The following CPPED1 variants were observed in gnomAD, a reference collection of about 807,000 sequenced individuals.
The protein encoded by CPPED1 is calcineurin like phosphoesterase domain containing 1, also known as serine/threonine-protein phosphatase CPPED1.
In CPPED1, 28 loss-of-function variants were observed where a neutral mutation model predicts 28.0. That is an observed-to-expected ratio of 1.00 (90% CI 0.74 to 1.37). CPPED1 has a LOEUF of 1.37. Ranked by LOEUF, CPPED1 falls within the 40% of genes most tolerant of loss-of-function variation. The pLI is 0.00. For synonymous variants in CPPED1, 198 were observed against 180.2 expected (o/e 1.10, Z -0.79); for missense variants, 504 against 416.5 (o/e 1.21, Z -1.83).
At chr16:12,713,398 C>T (rs1259648611) in intron 2 of CPPED1, among the ~76,000 whole-genome samples, 1 of 152,082 alleles carries the variant, frequency 6.6e-6, no homozygotes, top group African/African-American at 2.4e-5. Context: ...TGGAGTCTCG[C>T]TCTGTCACGC....
intron 2 of CPPED1, among the ~76,000 whole-genome samples, chr16:12,718,452 T>C (rs952896558): frequency 3.6e-4 from 53 of 147,334 alleles, no homozygotes; most frequent in Non-Finnish European, 1.2e-4. Flanking sequence ...GGCTGGAGGA[T>C]CACTTGAACC....
intron 3 of CPPED1, among the ~76,000 whole-genome samples, chr16:12,689,217 CTTTTTTTTT>C (rs869107040): frequency 4.8e-5 from 4 of 83,588 alleles, no homozygotes; most frequent in East Asian, 4.2e-4. Context: ...GAAAAGAGGG[CTTTTTTTTT>C]TTTTTTTTTT....
In CPPED1 at chr16:12,754,009, G is replaced by A. The variant is rs138768342; in HGVS notation, c.289+27176C>T. The A allele has an allele frequency of 2.8e-3, 419 of 152,310 alleles. 3 individuals carry two copies. The highest frequency in any genetic ancestry group is 9.8e-3 in the African/African-American group (409 of 41,566). 9.4% of individuals were successfully genotyped at this position (152,310 alleles called of 1,614,324 possible). On this transcript the variant is annotated intron_variant, in intron 2 of 3. Transcript: ENST00000381774. ...TCACGAGAAAGTCAGTCTCACGGGGGTCTTGGTAGCCCTCCTTTCCAGCTG... is the reference window on the plus strand; with the variant it reads ...TCACGAGAAAGTCAGTCTCACGGGGATCTTGGTAGCCCTCCTTTCCAGCTG...
chr16:12,756,251 T>C (rs1310239865), intron 2 of CPPED1, among the ~76,000 whole-genome samples: 1 of 152,144 alleles, frequency 6.6e-6, no homozygotes, highest in Non-Finnish European at 1.5e-5. Flanking sequence ...AAGCTGTGGA[T>C]GTAGTCAGTT....
chr16:12,735,568 T>C (rs150402876), intron 2 of CPPED1, among the ~76,000 whole-genome samples: 1 of 152,316 alleles, frequency 6.6e-6, no homozygotes, highest in East Asian at 1.9e-4. Flanking sequence ...CATCCCAAAG[T>C]GCTGGGATTA....
At chr16:12,742,882 C>G (rs938442703) in intron 2 of CPPED1, among the ~76,000 whole-genome samples, 1 of 152,138 alleles carries the variant, frequency 6.6e-6, no homozygotes, top group African/African-American at 2.4e-5. Context: ...GGACTGGAGG[C>G]GTGGGACGAA....
At chr16:12,770,364 G>T (rs958941184) in intron 2 of CPPED1, among the ~76,000 whole-genome samples, 4 of 152,110 alleles carry the variant, frequency 2.6e-5, no homozygotes, top group African/African-American at 7.2e-5. Flanking sequence ...CTCCCACCTG[G>T]CGTTACTGCA....
chr16:12,771,215 T>G (rs1391999196), intron 2 of CPPED1, among the ~76,000 whole-genome samples: 1 of 152,252 alleles, frequency 6.6e-6, no homozygotes, highest in Non-Finnish European at 1.5e-5. Flanking sequence ...GATTTCTGTC[T>G]GTTTCATTCA....
intron 3 of CPPED1, among the ~76,000 whole-genome samples, chr16:12,687,373 C>G (rs1260832802): frequency 6.6e-6 from 1 of 152,138 alleles, no homozygotes; most frequent in Non-Finnish European, 1.5e-5. Flanking sequence ...CCTTTAACTG[C>G]TCCCCACTGC....
At chr16:12,681,131 C>G (rs1259350674) in intron 3 of CPPED1, among the ~76,000 whole-genome samples, 1 of 147,820 alleles carries the variant, frequency 6.8e-6, no homozygotes, top group Admixed American at 6.8e-5. Context: ...CCCCCGTTTC[C>G]CCCCGTAAAG....
At position 12,682,723 on chromosome 16, in the gene CPPED1, T is replaced by C. The variant is rs549250748; in HGVS notation, c.716-17608A>G. 1.1e-4 allele frequency among the ~76,000 whole-genome samples: 17 copies of C among 152,256 alleles called. No individual in the cohort carries two copies. The highest frequency in any genetic ancestry group is 2.4e-4 in the Non-Finnish European group (16 of 68,042). On this transcript the variant is annotated intron_variant, in intron 3 of 3. Transcript: ENST00000381774. This position sits in a 1 kb window ranked among gnomAD's most constrained non-coding sequence, Gnocchi z 6.1. ...CAGGCAGCACTCAATAATTATACTT[T>C]CCTCTCATCCTTCTCTAAGTATCTG... is the stretch of plus-strand genomic sequence containing the variant.
At chr16:12,759,730 G>A (rs966161987) in intron 2 of CPPED1, among the ~76,000 whole-genome samples, 15 of 152,266 alleles carry the variant, frequency 9.9e-5, no homozygotes, top group African/African-American at 3.6e-4. Flanking sequence ...AAAAGTGTTG[G>A]GCAGTTGCCC....
intron 2 of CPPED1, among the ~76,000 whole-genome samples, chr16:12,754,245 G>C (rs2080350340): frequency 6.6e-6 from 1 of 152,132 alleles, no homozygotes; most frequent in South Asian, 2.1e-4. Flanking sequence ...TTTAAAACCA[G>C]CTCCACCTCT....
At chr16:12,713,737 G>C (rs1215714742) in intron 2 of CPPED1, among the ~76,000 whole-genome samples, 2 of 151,910 alleles carry the variant, frequency 1.3e-5, no homozygotes, top group Non-Finnish European at 1.5e-5. Context: ...CTGCCCCCAG[G>C]AGACCCAAAA....
At chr16:12,794,041 T>TA (rs200984004) in intron 1 of CPPED1, among the ~76,000 whole-genome samples, 6,743 of 148,870 alleles carry the variant, frequency 0.045, 309 homozygotes, top group East Asian at 0.11. Context: ...TTCAGCAGTT[T>TA]AAAAAAAAAA....
intron 2 of CPPED1, among the ~76,000 whole-genome samples, chr16:12,723,086 C>A (rs914509944): frequency 1.3e-5 from 2 of 152,176 alleles, no homozygotes; most frequent in Admixed American, 1.3e-4. Context: ...AACGTCTCCA[C>A]CCGGCTCCCA....
At chr16:12,738,293 T>A (rs1021761989) in intron 2 of CPPED1, among the ~76,000 whole-genome samples, 9 of 151,992 alleles carry the variant, frequency 5.9e-5, no homozygotes, top group African/African-American at 2.2e-4. Flanking sequence ...GCAAAAAAAA[T>A]TTTTAAAAAT....
chr16:12,705,144 A>C, intron 2 of CPPED1, 95 bp from the exon 3 acceptor site: 1 of 1,317,528 alleles, frequency 7.6e-7, no homozygotes, highest in Non-Finnish European at 1.0e-6. Flanking sequence ...TTAAAAAAAG[A>C]GTAATCTGGA....
chr16:12,732,451 AAC>A (rs879311973), intron 2 of CPPED1, among the ~76,000 whole-genome samples: 24 of 142,044 alleles, frequency 1.7e-4, no homozygotes, highest in African/African-American at 3.8e-4. Flanking sequence ...GCCCACACAC[AAC>A]ACACACACAC....
Sources: gnomAD v4.1 joint callset for allele counts (sites outside exome capture counted in the v4.1 genomes callset) on GRCh38, gnomAD v4.1.1 for gene constraint, Gnocchi (gnomAD v3.1) non-coding constraint, MANE v1.5 for transcripts, NCBI Gene and HGNC (gene_info 2026-07-23, HGNC 2026-07-21) for gene names.